The following CELF2 variants were observed in gnomAD, a reference collection of about 807,000 sequenced individuals.
CELF2 encodes the protein CUGBP Elav-like family member 2.
Under a neutral mutation model 62.6 loss-of-function variants are expected in CELF2, and 8 were observed. The observed-to-expected ratio is 0.13, with a 90% CI of 0.07 to 0.23. The LOEUF (loss-of-function observed/expected upper bound fraction) is 0.23, where lower values mean the gene tolerates loss of function less well. Ranked by LOEUF, CELF2 falls within the 10% of genes least tolerant of loss-of-function variation. The pLI, the probability that CELF2 is intolerant of heterozygous loss-of-function variation, is 1.00. For missense variants in CELF2, 333 were observed against 671.0 expected, an observed-to-expected ratio of 0.50 and a Z score of 5.56; for synonymous variants, 258 against 250.0, an observed-to-expected ratio of 1.03 and a Z score of -0.30.
At chr10:10,524,398 G>T in the CELF2 span, among the ~76,000 whole-genome samples, 1 of 150,456 alleles carries the variant, frequency 6.6e-6, no homozygotes, top group Non-Finnish European at 1.5e-5. Context: ...TAAGGCTACA[G>T]TTAGGCCCTA....
At chr10:11,196,675 G>T (rs762664672) in intron 2 of CELF2, among the ~76,000 whole-genome samples, 1 of 147,444 alleles carries the variant, frequency 6.8e-6, no homozygotes, top group Non-Finnish European at 1.5e-5. Flanking sequence ...AAACAAAACA[G>T]AACCGGGCGC....
intron 1 of CELF2, among the ~76,000 whole-genome samples, chr10:11,037,003 T>C (rs570165236): frequency 6.6e-6 from 1 of 152,350 alleles, no homozygotes; most frequent in South Asian, 2.1e-4. Flanking sequence ...TCTCACCTTG[T>C]CCTTCTCATA....
the CELF2 span, among the ~76,000 whole-genome samples, chr10:10,760,270 G>C: frequency 6.6e-6 from 1 of 152,056 alleles, no homozygotes; most frequent in Non-Finnish European, 1.5e-5. Context: ...AGACCTCTCT[G>C]TCCTACCCCA....
At chr10:11,312,350 T>C (rs139292753) in intron 9 of CELF2, among the ~76,000 whole-genome samples, 1 of 152,254 alleles carries the variant, frequency 6.6e-6, no homozygotes, top group Non-Finnish European at 1.5e-5. Context: ...GTGGTAAATA[T>C]GTGGGCAAAT....
chr10:11,161,309 G>A (rs1320900122), intron 1 of CELF2, among the ~76,000 whole-genome samples: 1 of 152,200 alleles, frequency 6.6e-6, no homozygotes, highest in African/African-American at 2.4e-5. Context: ...CCTTGCCAAG[G>A]GTACTAGCAG....
the CELF2 span, among the ~76,000 whole-genome samples, chr10:10,581,313 A>G: frequency 1.3e-5 from 2 of 152,318 alleles, no homozygotes; most frequent in East Asian, 3.9e-4. Context: ...TGTTTGAGTC[A>G]AGGAGCAATC....
chr10:10,992,614 A>C (rs944487053), intron 2 of CELF2, among the ~76,000 whole-genome samples: 1 of 152,228 alleles, frequency 6.6e-6, no homozygotes, highest in Non-Finnish European at 1.5e-5. Flanking sequence ...GTTTGGATGA[A>C]GTACGGAGAA....
intron 1 of CELF2, among the ~76,000 whole-genome samples, chr10:10,853,932 G>C (rs1367098454): frequency 2.0e-5 from 3 of 152,160 alleles, no homozygotes; most frequent in Admixed American, 2.0e-4. Flanking sequence ...AAGTCAAGGA[G>C]TGTGGTGTTT....
intron 1 of CELF2, among the ~76,000 whole-genome samples, chr10:10,903,624 T>C (rs1013296908): frequency 2.0e-5 from 3 of 152,174 alleles, no homozygotes; most frequent in Non-Finnish European, 4.4e-5. Context: ...CTACATACTA[T>C]TAGGCCAACC....
the CELF2 span, among the ~76,000 whole-genome samples, chr10:10,772,380 G>A: frequency 6.6e-6 from 1 of 152,148 alleles, no homozygotes; most frequent in Admixed American, 6.5e-5. Flanking sequence ...TTAAAACTCA[G>A]CTTTCAATTA....
At chr10:10,800,482 G>T (rs1248699256) in intron 1 of CELF2, among the ~76,000 whole-genome samples, 1 of 152,112 alleles carries the variant, frequency 6.6e-6, no homozygotes, top group African/African-American at 2.4e-5. Context: ...CTCCCAGATA[G>T]CTGGGATTAC....
intron 1 of CELF2, among the ~76,000 whole-genome samples, chr10:10,811,712 T>G (rs1031899012): frequency 6.6e-6 from 1 of 152,130 alleles, no homozygotes; most frequent in African/African-American, 2.4e-5. Flanking sequence ...CCTGGAGCCT[T>G]CTGAGGCAGA....
At chr10:10,981,745 C>T (rs1361214657) in intron 2 of CELF2, among the ~76,000 whole-genome samples, 3 of 152,236 alleles carry the variant, frequency 2.0e-5, no homozygotes, top group South Asian at 2.1e-4. Context: ...TCTATGTGCC[C>T]GGCATTGTGC....
chr10:10,896,346 A>G (rs2062553596), intron 1 of CELF2, among the ~76,000 whole-genome samples: 1 of 152,186 alleles, frequency 6.6e-6, no homozygotes, highest in South Asian at 2.1e-4. Context: ...TGCACTGTCA[A>G]TATAAAAATA....
At chr10:11,020,338 G>T (rs749203254) in intron 1 of CELF2, among the ~76,000 whole-genome samples, 36 of 152,174 alleles carry the variant, frequency 2.4e-4, no homozygotes, top group Non-Finnish European at 4.7e-4. Context: ...TAGCTATTGT[G>T]TGTCTCCATA....
chr10:10,904,920 T>A (rs1034883340), intron 1 of CELF2, among the ~76,000 whole-genome samples: 2 of 152,176 alleles, frequency 1.3e-5, no homozygotes, highest in African/African-American at 4.8e-5. Context: ...TTTTCTTAGA[T>A]CCCTGTTTCT....
At position 11,117,827 on chromosome 10, in the gene CELF2, T is replaced by G. The variant is rs757459583; in HGVS notation, c.75-47659T>G. Among the ~76,000 whole-genome samples, 18 of 152,180 alleles carry G rather than the reference T, an allele frequency of 1.2e-4. No homozygotes were observed. On this transcript the variant is annotated intron_variant, in intron 1 of 12. Coordinates refer to ENST00000633077, the MANE Select transcript of CELF2 (RefSeq NM_001326342.2). This position sits in a 1 kb window ranked among gnomAD's most constrained non-coding sequence, Gnocchi z 4.1. The stretch of plus-strand genomic sequence containing the variant: ...ATCTGAGCTTCTGGTTCTGATCTTG[T>G]AAAAGCTAACTCATGCATGCACAAC...
intron 9 of CELF2, among the ~76,000 whole-genome samples, chr10:11,288,975 C>T (rs1399086890): frequency 6.6e-6 from 1 of 152,194 alleles, no homozygotes; most frequent in African/African-American, 2.4e-5. Flanking sequence ...ACAGCAACTC[C>T]ATCCATCACA....
the CELF2 span, among the ~76,000 whole-genome samples, chr10:10,757,605 A>T: frequency 1.3e-5 from 2 of 152,200 alleles, no homozygotes; most frequent in Non-Finnish European, 2.9e-5. Flanking sequence ...AACATATGAA[A>T]AGATACCAGC....
Sources: gnomAD v4.1 joint callset for allele counts (sites outside exome capture counted in the v4.1 genomes callset) on GRCh38, gnomAD v4.1.1 for gene constraint, Gnocchi (gnomAD v3.1) non-coding constraint, MANE v1.5 for transcripts, NCBI Gene and HGNC (gene_info 2026-07-23, HGNC 2026-07-21) for gene names.